Variants in FBXL13 observed in about 807,000 individuals in gnomAD.
The protein encoded by FBXL13 is F-box and leucine rich repeat protein 13, also known as F-box and leucine-rich repeat protein 13.
Under a neutral mutation model 83.6 loss-of-function variants are expected in FBXL13, and 67 were observed. The observed-to-expected ratio is 0.80, with a 90% CI of 0.66 to 0.98. The LOEUF (loss-of-function observed/expected upper bound fraction) is 0.98, where lower values mean the gene tolerates loss of function less well. Among genes scored for constraint, FBXL13 ranks in the 50% least tolerant of loss-of-function variants. FBXL13 has a pLI of 0.00. For missense variants in FBXL13, 822 were observed against 866.5 expected (o/e 0.95, Z 0.64); for synonymous variants, 272 against 299.5 (o/e 0.91, Z 0.95).
intron 2 of FBXL13, 23 bp downstream of exon 3, chr7:103,055,065 T>A (rs1563279274): frequency 1.7e-6 from 2 of 1,193,294 alleles, no homozygotes; most frequent in African/African-American, 3.1e-5. Context: ...TATATTTGCG[T>A]ATTCTTGATT....
In FBXL13 at chr7:102,865,222, G is replaced by A. The variant is rs1423739754; in HGVS notation, c.1636-10362C>T. Among the ~76,000 whole-genome samples the A allele has an allele frequency of 3.3e-5, 5 of 152,110 alleles. No individual in the cohort carries two copies. In the East Asian group the frequency reaches 9.6e-4, roughly 29 times the overall value. Reference sequence around the variant, plus strand: ...GAATTTTTGGATGAAATGCATTTCCGTTTGGAATTCTTTGAATCAGGGTTT... The same window carrying A: ...GAATTTTTGGATGAAATGCATTTCCATTTGGAATTCTTTGAATCAGGGTTT... On this transcript the variant is annotated intron_variant, in intron 16 of 19. Coordinates refer to ENST00000313221, the Ensembl canonical transcript of FBXL13.
intron 6 of FBXL13, among the ~76,000 whole-genome samples, chr7:103,001,906 T>C (rs1047253994): frequency 4.6e-5 from 7 of 152,174 alleles, no homozygotes; most frequent in African/African-American, 1.4e-4. Flanking sequence ...TAGCCTATTG[T>C]GGGACTTGTA....
chr7:102,958,529 T>TATAATAATA (rs144163542), intron 8 of FBXL13, among the ~76,000 whole-genome samples: 87 of 144,520 alleles, frequency 6.0e-4, no homozygotes, highest in African/African-American at 1.8e-3. Flanking sequence ...GAACTTAAAG[T>TATAATAATA]ATAATAATAA....
Position 102,995,287 on chromosome 7 carries a change from A to C in FBXL13, c.496-27170T>G, listed in dbSNP as rs1052844135. On this transcript the variant is annotated intron_variant, in intron 6 of 19. Coordinates refer to ENST00000313221, the Ensembl canonical transcript of FBXL13. ...ACGAGGTCAGGAGATCGAGACCATT[A>C]TGGCTAACATGGTGAAACCCCATCT... Among the ~76,000 whole-genome samples, 3 of 148,112 alleles carry C rather than the reference A, an allele frequency of 2.0e-5. No homozygotes were observed. In the East Asian group the frequency reaches 6.1e-4, roughly 30 times the overall value.
At chr7:103,044,237 C>A (rs964913474) in intron 2 of FBXL13, among the ~76,000 whole-genome samples, 1 of 152,108 alleles carries the variant, frequency 6.6e-6, no homozygotes, top group Non-Finnish European at 1.5e-5. Flanking sequence ...AAATAAGTCG[C>A]ATGCAGAAAA....
At chr7:102,822,464 A>C (rs1798931268) in intron 18 of FBXL13, 4 of 598,274 alleles carry the variant, frequency 6.7e-6, no homozygotes, top group Admixed American at 2.1e-5. Flanking sequence ...AGAGAGAGAG[A>C]GAGCTCTAGT....
chr7:102,964,082 G>T (rs550922215), intron 7 of FBXL13, among the ~76,000 whole-genome samples: 2 of 152,178 alleles, frequency 1.3e-5, no homozygotes, highest in South Asian at 2.1e-4. Flanking sequence ...AGGCCAAAGC[G>T]GGCGGATCAC....
intron 2 of FBXL13, chr7:103,031,006 A>C (rs1400365459): frequency 6.6e-6 from 1 of 152,164 alleles, no homozygotes; most frequent in South Asian, 2.1e-4. Context: ...GAAAGAAACA[A>C]ACTCACAATT....
At chr7:102,980,443 T>C (rs538420814) in intron 6 of FBXL13, among the ~76,000 whole-genome samples, 28 of 152,304 alleles carry the variant, frequency 1.8e-4, no homozygotes, top group African/African-American at 6.3e-4. Context: ...TTACACCATA[T>C]AGCAAAATGA....
intron 10 of FBXL13, among the ~76,000 whole-genome samples, chr7:102,922,092 A>G (rs2129471007): frequency 6.6e-6 from 1 of 152,104 alleles, no homozygotes; most frequent in Non-Finnish European, 1.5e-5. Context: ...CAGGAGGCTG[A>G]GGCAGGAGAC....
chr7:102,915,120 A>ATT lies in FBXL13; in HGVS notation c.879-1906_879-1905insAA, dbSNP rs1160559115. Among the ~76,000 whole-genome samples the ATT allele has an allele frequency of 5.9e-4, 83 of 139,546 alleles. No homozygotes were observed. The East Asian group carries it at 0.015, about 25-fold the overall frequency. The allele number at this position is 139,546 out of a possible 152,430, so 91.5% of individuals were successfully genotyped here. A position where few individuals can be genotyped will look rare whatever the true frequency, so the allele number is the denominator to read the frequency against. On this transcript the variant is annotated intron_variant, in intron 10 of 19. Transcript: ENST00000313221. ...TCTCATTTGTTAAGTGGAGATTAAA[A>ATT]TATTTTTTTTTTTTTTTTTTTTACA...
chr7:102,947,714 A>G (rs1412815230), intron 8 of FBXL13, among the ~76,000 whole-genome samples: 2 of 152,196 alleles, frequency 1.3e-5, no homozygotes, highest in Non-Finnish European at 2.9e-5. Flanking sequence ...ATTTTACAGT[A>G]GTAAAAAATA....
rs545474231 is a variant in FBXL13, at chr7:103,015,696, T to C, written c.495+9367A>G. ...CCTGTAATTCCAGTTATTTGGGTGGTTGAGGCATGAGAATTGCTTGAACCC... is the reference window on the plus strand; with the variant it reads ...CCTGTAATTCCAGTTATTTGGGTGGCTGAGGCATGAGAATTGCTTGAACCC... On this transcript the variant is annotated intron_variant, in intron 6 of 19. Transcript: ENST00000313221. Among the ~76,000 whole-genome samples, 16 of 150,186 alleles carry C rather than the reference T, an allele frequency of 1.1e-4. No individual in the cohort carries two copies. The East Asian group carries it at 1.6e-3, about 15-fold the overall frequency.
At chr7:102,876,225 G>A (rs184368089) in intron 16 of FBXL13, among the ~76,000 whole-genome samples, 1 of 152,324 alleles carries the variant, frequency 6.6e-6, no homozygotes, top group African/African-American at 2.4e-5. Context: ...ACTTGAAGGG[G>A]CCTTGGAGTT....
intron 14 of FBXL13, among the ~76,000 whole-genome samples, chr7:102,881,255 G>C (rs919136459): frequency 4.6e-5 from 7 of 151,854 alleles, no homozygotes; most frequent in Non-Finnish European, 1.0e-4. Flanking sequence ...AGACCAGCCT[G>C]GCCAACATGG....
chr7:103,030,147 T>C (rs1794353944), intron 2 of FBXL13: 1 of 152,168 alleles, frequency 6.6e-6, no homozygotes. Context: ...ATAGGTAAGT[T>C]TGGTTCAAAT....
intron 6 of FBXL13, among the ~76,000 whole-genome samples, chr7:102,992,227 C>G (rs903324124): frequency 6.6e-6 from 1 of 152,210 alleles, no homozygotes; most frequent in African/African-American, 2.4e-5. Flanking sequence ...TGGTCCCTCA[C>G]TGCCTACTGG....
chr7:102,968,206 T>C (rs1826203006), intron 6 of FBXL13, 89 bp from the exon 8 acceptor site: 2 of 796,380 alleles, frequency 2.5e-6, no homozygotes. Context: ...TGTGCACACA[T>C]GTGCGTGCAC....
At chr7:102,936,379 T>G (rs1326674479) in intron 8 of FBXL13, 1 of 152,186 alleles carries the variant, frequency 6.6e-6, no homozygotes, top group African/African-American at 2.4e-5. Context: ...GCCTATGAGC[T>G]CTCTACTTCA....
Sources: allele counts gnomAD v4.1 joint callset (sites outside exome capture counted in the v4.1 genomes callset), GRCh38; gene constraint gnomAD v4.1.1; transcripts MANE v1.5; gene names NCBI Gene and HGNC (gene_info 2026-07-23, HGNC 2026-07-21).